EMC1: variants seen among roughly 807,000 people sequenced by gnomAD.
EMC1 encodes KIAA0090.
In EMC1, 103 loss-of-function variants were observed where a neutral mutation model predicts 128.8. That is an observed-to-expected ratio of 0.80 (90% CI 0.68 to 0.94). The LOEUF (loss-of-function observed/expected upper bound fraction) is 0.94. Among genes scored for constraint, EMC1 ranks in the 40% least tolerant of loss-of-function variants. EMC1 has a pLI of 0.00. For missense variants in EMC1, 1,083 were observed against 1,250.6 expected (o/e 0.87, Z 2.02); for synonymous variants, 442 against 490.4 (o/e 0.90, Z 1.30).
At chr1:19,228,739 T>C (rs572493518) in intron 17 of EMC1, among the ~76,000 whole-genome samples, 1 of 151,914 alleles carries the variant, frequency 6.6e-6, no homozygotes, top group African/African-American at 2.4e-5. Context: ...TATAGGTCAA[T>C]TGCATGTGAA....
intron 16 of EMC1, 122 bp from the exon 17 acceptor site, chr1:19,231,085 T>C: frequency 7.2e-7 from 1 of 1,397,822 alleles, no homozygotes; most frequent in Non-Finnish European, 9.8e-7. Flanking sequence ...TCAGTTCTGT[T>C]AAGAACCTGA....
intron 15 of EMC1, among the ~76,000 whole-genome samples, chr1:19,231,696 C>T (rs756513393): frequency 1.4e-4 from 22 of 152,212 alleles, no homozygotes; most frequent in Non-Finnish European, 2.8e-4. Context: ...TCAAGGCTCA[C>T]TGCAACCTCT....
chr1:19,230,749 A>C, intron 17 of EMC1, 95 bp downstream of exon 17: 1 of 1,442,190 alleles, frequency 6.9e-7, no homozygotes, highest in South Asian at 1.2e-5. Context: ...CTAAGTTTAC[A>C]GTAGAATGAG....
At chr1:19,242,209 G>T in intron 5 of EMC1, 136 bp downstream of exon 5, 2 of 870,774 alleles carry the variant, frequency 2.3e-6, no homozygotes, top group Non-Finnish European at 3.6e-6. Flanking sequence ...AAGATATTCT[G>T]AGTGCAACAC....
intron 17 of EMC1, among the ~76,000 whole-genome samples, chr1:19,229,050 AAAAT>A (rs951184074): frequency 1.3e-5 from 2 of 152,232 alleles, no homozygotes; most frequent in Non-Finnish European, 2.9e-5. Context: ...TCTCTAAAAA[AAAAT>A]AAATAAAGTA....
intron 10 of EMC1, 150 bp from the exon 11 acceptor site, chr1:19,238,289 A>G (rs2093581154): frequency 2.3e-6 from 2 of 852,364 alleles, no homozygotes; most frequent in Non-Finnish European, 1.8e-6. Context: ...GAGAAAAGCA[A>G]GCTAAATCCT....
chr1:19,232,154 C>T (rs748315239), intron 15 of EMC1, among the ~76,000 whole-genome samples: 1 of 152,124 alleles, frequency 6.6e-6, no homozygotes, highest in East Asian at 1.9e-4. Context: ...CCCAGCTACT[C>T]GGGAGGCTGA....
chr1:19,249,805 G>A (rs983052526), intron 1 of EMC1, among the ~76,000 whole-genome samples: 2 of 152,096 alleles, frequency 1.3e-5, no homozygotes, highest in African/African-American at 4.8e-5. Context: ...AGTAGTCCCA[G>A]CTACTCAGGA....
At chr1:19,243,900 T>C (rs1442807009) in intron 3 of EMC1, 50 bp downstream of exon 3, 12 of 1,595,366 alleles carry the variant, frequency 7.5e-6, no homozygotes, top group Non-Finnish European at 7.7e-6. Flanking sequence ...AGCCAAGGAA[T>C]GGGACAGGGA....
intron 4 of EMC1, 60 bp from the exon 5 acceptor site, chr1:19,242,533 C>T: frequency 6.3e-7 from 1 of 1,589,080 alleles, no homozygotes; most frequent in Non-Finnish European, 8.6e-7. Context: ...CTGGGAGAGA[C>T]AGTCCAGAAC....
intron 6 of EMC1, 135 bp downstream of exon 6, chr1:19,240,881 G>T: frequency 4.0e-6 from 4 of 993,514 alleles, no homozygotes; most frequent in Non-Finnish European, 6.0e-6. Context: ...AAGGCAGCTG[G>T]CAAGTGACCA....
chr1:19,238,864 G>C lies in EMC1; in HGVS notation c.1027-7C>G. The C allele has an allele frequency of 1.3e-6, 2 of 1,588,476 alleles. No individual in the cohort carries two copies. Among genetic ancestry groups the C allele is most frequent in the Non-Finnish European group, 1.7e-6 (2 of 1,157,772 alleles). On this transcript the variant is annotated splice_polypyrimidine_tract_variant and splice_region_variant and intron_variant, in intron 9 of 22. Transcript: ENST00000477853. The stretch of plus-strand genomic sequence containing the variant: ...CAGAACTGCTACTTTTCTGCTATGA[G>C]AAAGAGAAGGACAGGAGAAAATTCA...
rs1486876626 is a variant in EMC1, at chr1:19,237,945, C to G, written c.1212+72G>C. 3 of 1,563,126 alleles carry G rather than the reference C, an allele frequency of 1.9e-6. No individual in the cohort carries two copies. In the African/African-American group the frequency reaches 4.1e-5, roughly 21 times the overall value. On this transcript the variant is annotated intron_variant, in intron 11 of 22. Coordinates refer to ENST00000477853, the MANE Select transcript of EMC1 (RefSeq NM_015047.3). ...CTAATCCAAGCCCCATGGCTAAGAC[C>G]TGGCCCTGAGGAAAGGAAGCCATGT... is the stretch of plus-strand genomic sequence containing the variant.
Position 19,217,922 on chromosome 1 carries a change from A to G in EMC1, c.*1381T>C, listed in dbSNP as rs1454997524. 1 of 152,202 alleles carries G rather than the reference A, an allele frequency of 6.6e-6. No homozygotes were observed. Among genetic ancestry groups the G allele is most frequent in the African/African-American group, 2.4e-5 (1 of 41,440 alleles). The allele number at this position is 152,202 out of a possible 1,614,324, so 9.4% of individuals were successfully genotyped here. On this transcript the variant is annotated 3_prime_UTR_variant, in exon 23 of 23. Coordinates refer to ENST00000477853, the MANE Select transcript of EMC1 (RefSeq NM_015047.3). The stretch of plus-strand genomic sequence containing the variant: ...ATCTACCATCAGCATATGACCATAG[A>G]AAGATGACAAATTTTTAGATAACCT...
intron 8 of EMC1, 77 bp from the exon 9 acceptor site, chr1:19,239,379 G>A: frequency 1.5e-6 from 2 of 1,313,636 alleles, no homozygotes; most frequent in Non-Finnish European, 1.1e-6. Flanking sequence ...CACCTCTCCA[G>A]GGAAGGCCCT....
Position 19,236,850 on chromosome 1 carries a change from C to T in EMC1, c.1309+292G>A, listed in dbSNP as rs555650085. 6.3e-4 allele frequency among the ~76,000 whole-genome samples: 95 copies of T among 151,548 alleles called. No individual in the cohort carries two copies. In the Middle Eastern group the frequency reaches 0.01, roughly 16 times the overall value. ...GGTCGTGGTGGCACACGCCTGTAAT[C>T]CCAGCTACTCAGGAGGCTGAGGCAG... On this transcript the variant is annotated intron_variant, in intron 12 of 22. Coordinates refer to ENST00000477853, the MANE Select transcript of EMC1 (RefSeq NM_015047.3).
intron 13 of EMC1, chr1:19,234,176 T>C (rs1044671359): frequency 4.5e-5 from 44 of 985,128 alleles, no homozygotes; most frequent in Non-Finnish European, 5.1e-5. Flanking sequence ...GAAGCAGGTT[T>C]TACCTTGAAT....
In EMC1 at chr1:19,233,070, A is replaced by G. The variant is rs1412912297; in HGVS notation, c.1498T>C (p.Ser500Pro). The change falls in exon 14 of 23, where the codon TCC becomes CCC. Residue 500 changes from serine (S) to proline (P), a missense_variant. Ser to Pro is a moderately conservative substitution (Grantham distance 74). Coordinates refer to ENST00000477853, the MANE Select transcript of EMC1 (RefSeq NM_015047.3). ...SQLILLQAWT[S>P]HLWKMFYDAR... ...TCATAAAACATTTTCCAGAGGTGGG[A>G]AGTCCATGCTTGCAGCAGGATAAGC... 6.2e-7 allele frequency: 1 copy of G among 1,614,078 alleles called. No homozygotes were observed.
Position 19,218,989 on chromosome 1 carries a change from A to AC in EMC1, c.*313_*314insG. On this transcript the variant is annotated 3_prime_UTR_variant, in exon 23 of 23. Transcript: ENST00000477853. ...AAAAATCAGCCGGAATTCTTATTAAAAAAAACAAAACAGAACATTCATGGA... is the reference window on the plus strand; with the variant it reads ...AAAAATCAGCCGGAATTCTTATTAAACAAAAACAAAACAGAACATTCATGGA... The AC allele has an allele frequency of 5.2e-6, 1 of 192,504 alleles. No homozygotes were observed. The highest frequency in any genetic ancestry group is 1.7e-4 in the South Asian group (1 of 6,036). 11.9% of individuals were successfully genotyped at this position (192,504 alleles called of 1,614,324 possible). A position where few individuals can be genotyped will look rare whatever the true frequency, so the allele number is the denominator to read the frequency against.
Sources: allele counts gnomAD v4.1 joint callset (sites outside exome capture counted in the v4.1 genomes callset), GRCh38; gene constraint gnomAD v4.1.1; transcripts MANE v1.5; gene names NCBI Gene and HGNC (gene_info 2026-07-23, HGNC 2026-07-21).